The following SNTB1 variants were observed in gnomAD, a reference collection of about 807,000 sequenced individuals.
SNTB1 encodes the protein syntrophin beta 1.
In SNTB1, 36 loss-of-function variants were observed where a neutral mutation model predicts 48.9. That is an observed-to-expected ratio of 0.74 (90% CI 0.56 to 0.97). The LOEUF (loss-of-function observed/expected upper bound fraction) is 0.97. SNTB1 is among the 50% of genes least tolerant of loss of function. The pLI is 0.00. For synonymous variants in SNTB1, 299 were observed against 294.6 expected (o/e 1.01, Z -0.15); for missense variants, 786 against 703.4 (o/e 1.12, Z -1.33).
At chr8:120,729,796 T>C (rs994216846) in intron 1 of SNTB1, among the ~76,000 whole-genome samples, 1 of 152,226 alleles carries the variant, frequency 6.6e-6, no homozygotes, top group Non-Finnish European at 1.5e-5. Context: ...CCTCACAGGA[T>C]AGTGATGCCA....
chr8:120,683,501 T>C (rs1438568817), intron 2 of SNTB1, among the ~76,000 whole-genome samples: 1 of 152,056 alleles, frequency 6.6e-6, no homozygotes, highest in Non-Finnish European at 1.5e-5. Context: ...CAAATCAGAA[T>C]GGTGAGTATT....
At chr8:120,780,105 C>T (rs926755640) in intron 1 of SNTB1, among the ~76,000 whole-genome samples, 1 of 150,900 alleles carries the variant, frequency 6.6e-6, no homozygotes, top group Non-Finnish European at 1.5e-5. Context: ...AAAAAAGATC[C>T]GTGTCAGAGC....
chr8:120,782,881 A>C (rs1387792917), intron 1 of SNTB1, among the ~76,000 whole-genome samples: 1 of 152,214 alleles, frequency 6.6e-6, no homozygotes, highest in Non-Finnish European at 1.5e-5. Flanking sequence ...TTTTTCACTC[A>C]GAAAGAAAAA....
At chr8:120,790,807 C>T (rs1820016796) in intron 1 of SNTB1, among the ~76,000 whole-genome samples, 1 of 151,878 alleles carries the variant, frequency 6.6e-6, no homozygotes, top group Non-Finnish European at 1.5e-5. Flanking sequence ...TGAAAATGGA[C>T]ATACTGCCCA....
intron 5 of SNTB1, among the ~76,000 whole-genome samples, chr8:120,547,426 T>A (rs1229546978): frequency 6.6e-6 from 1 of 151,832 alleles, no homozygotes; most frequent in African/African-American, 2.4e-5. Flanking sequence ...TAAAACCCCA[T>A]CTCTACTAAA....
intron 3 of SNTB1, among the ~76,000 whole-genome samples, chr8:120,592,290 T>G (rs905572567): frequency 1.3e-5 from 2 of 152,058 alleles, no homozygotes; most frequent in Non-Finnish European, 2.9e-5. Flanking sequence ...CAAGGGATCC[T>G]CCTGCCTCAG....
chr8:120,650,879 G>A (rs1817401293), intron 2 of SNTB1, among the ~76,000 whole-genome samples: 1 of 152,264 alleles, frequency 6.6e-6, no homozygotes, highest in Non-Finnish European at 1.5e-5. Flanking sequence ...CTGGCTTTAT[G>A]ACTTTCAGAT....
At chr8:120,677,499 T>C (rs545299483) in intron 2 of SNTB1, among the ~76,000 whole-genome samples, 11 of 152,338 alleles carry the variant, frequency 7.2e-5, no homozygotes, top group Non-Finnish European at 1.5e-4. Flanking sequence ...GGCTGTTTTA[T>C]ACTTTTCAAC....
At chr8:120,774,402 G>GGAAT (rs1436009277) in intron 1 of SNTB1, among the ~76,000 whole-genome samples, 3 of 152,164 alleles carry the variant, frequency 2.0e-5, no homozygotes, top group African/African-American at 7.2e-5. Context: ...CTGAGTCTAG[G>GGAAT]GAATGCACAG....
intron 5 of SNTB1, among the ~76,000 whole-genome samples, chr8:120,545,076 G>A (rs923857311): frequency 1.3e-5 from 2 of 152,162 alleles, no homozygotes; most frequent in African/African-American, 2.4e-5. Flanking sequence ...AGATGCAGTG[G>A]CTCATGCCTG....
intron 4 of SNTB1, among the ~76,000 whole-genome samples, chr8:120,555,363 C>G (rs1458001099): frequency 6.6e-6 from 1 of 152,184 alleles, no homozygotes; most frequent in Non-Finnish European, 1.5e-5. Flanking sequence ...TTAGGCAGGA[C>G]TCACAGATTG....
chr8:120,556,088 C>T (rs182575822), intron 4 of SNTB1, among the ~76,000 whole-genome samples: 3 of 152,244 alleles, frequency 2.0e-5, no homozygotes, highest in Admixed American at 6.5e-5. Context: ...AGTCTAGGTA[C>T]GGTGTGAACA....
chr8:120,740,384 A>T (rs1259417102), intron 1 of SNTB1, among the ~76,000 whole-genome samples: 1 of 152,252 alleles, frequency 6.6e-6, no homozygotes, highest in Non-Finnish European at 1.5e-5. Flanking sequence ...AGTAAAACAA[A>T]AAGAGTAATC....
intron 3 of SNTB1, among the ~76,000 whole-genome samples, chr8:120,625,443 TA>T (rs982158655): frequency 3.9e-5 from 6 of 152,252 alleles, no homozygotes; most frequent in African/African-American, 1.4e-4. Flanking sequence ...TTCAATTTAC[TA>T]AATTCAGATG....
At chr8:120,717,091 T>C (rs939000134) in intron 1 of SNTB1, among the ~76,000 whole-genome samples, 7 of 152,154 alleles carry the variant, frequency 4.6e-5, no homozygotes, top group Non-Finnish European at 1.0e-4. Flanking sequence ...ACTTTTCCCT[T>C]AAGAAAGGTG....
intron 1 of SNTB1, among the ~76,000 whole-genome samples, chr8:120,724,707 G>T (rs1415464456): frequency 1.3e-5 from 2 of 152,188 alleles, no homozygotes; most frequent in Non-Finnish European, 2.9e-5. Flanking sequence ...TCTAAACAAA[G>T]ATGATTTTAG....
chr8:120,653,950 G>A (rs919496517), intron 2 of SNTB1, among the ~76,000 whole-genome samples: 2 of 144,178 alleles, frequency 1.4e-5, no homozygotes, highest in African/African-American at 2.6e-5. Flanking sequence ...TGAGGCAGGA[G>A]AATGGCGTGA....
At chr8:120,766,261 T>A (rs1819523214) in intron 1 of SNTB1, among the ~76,000 whole-genome samples, 1 of 152,118 alleles carries the variant, frequency 6.6e-6, no homozygotes. Flanking sequence ...TTTTTGTAGA[T>A]GATGAAAATA....
chr8:120,550,279 C>T (rs1815457118), intron 4 of SNTB1, among the ~76,000 whole-genome samples: 1 of 152,158 alleles, frequency 6.6e-6, no homozygotes, highest in African/African-American at 2.4e-5. Context: ...TGGTGCCTCA[C>T]ACCTGTAATC....
Sources: allele counts gnomAD v4.1 joint callset (sites outside exome capture counted in the v4.1 genomes callset), GRCh38; gene constraint gnomAD v4.1.1; transcripts MANE v1.5; gene names NCBI Gene and HGNC (gene_info 2026-07-23, HGNC 2026-07-21).